MITD1: variants seen among roughly 807,000 people sequenced by gnomAD.
MITD1 encodes the protein MIT domain-containing protein 1.
In MITD1, 24 loss-of-function variants were observed where a neutral mutation model predicts 34.9. The ratio of observed to expected loss-of-function variants is 0.69; its 90% CI spans 0.50 to 0.97. MITD1 has a LOEUF of 0.97. MITD1 is among the 50% of genes least tolerant of loss of function. The pLI is 0.00. For synonymous variants in MITD1, 102 were observed against 101.4 expected (o/e 1.01, Z -0.04); for missense variants, 266 against 294.6 (o/e 0.90, Z 0.71).
rs1243605161 is a variant in MITD1, at chr2:99,171,482, T to C, written c.390+28A>G. 1.9e-6 allele frequency: 3 copies of C among 1,587,934 alleles called. No homozygotes were observed. In the South Asian group the frequency reaches 3.3e-5, roughly 18 times the overall value. On this transcript the variant is annotated intron_variant, in intron 3 of 6. Coordinates refer to ENST00000289359, the MANE Select transcript of MITD1 (RefSeq NM_138798.3). ...TAATTTAGTACATTGAATATGATAT[T>C]TCATTATATTTTAGTATGTTCACAT...
In MITD1 at chr2:99,169,394, T is replaced by C. The variant is rs762945901; in HGVS notation, c.731A>G (p.Lys244Arg). ...CACCCATCATATATTTTTTGTATGC[T>C]TCTTATGAAAAATGTCTACTGTTGT... is the stretch of plus-strand genomic sequence containing the variant. Reference protein sequence around the residue: ...HETTVDIFHKKHTKNI With the variant: ...HETTVDIFHKRHTKNI The change falls in exon 7 of 7, where the codon AAG (lysine) becomes AGG (arginine). Residue 244 changes from lysine to arginine, a missense_variant. Coordinates refer to ENST00000289359, the MANE Select transcript of MITD1 (RefSeq NM_138798.3). The C allele has an allele frequency of 6.3e-7, 1 of 1,592,042 alleles. No homozygotes were observed. The highest frequency in any genetic ancestry group is 8.6e-7 in the Non-Finnish European group (1 of 1,163,546).
intron 2 of MITD1, 68 bp from the exon 3 acceptor site, chr2:99,171,714 T>C (rs1473953691): frequency 1.4e-6 from 2 of 1,434,764 alleles, no homozygotes; most frequent in East Asian, 2.3e-5. Flanking sequence ...ATATTTTATA[T>C]AGAGTGATTA....
intron 6 of MITD1, 37 bp from the exon 7 acceptor site, chr2:99,169,507 A>G: frequency 6.2e-7 from 1 of 1,603,470 alleles, no homozygotes; most frequent in Non-Finnish European, 8.5e-7. Flanking sequence ...TAAAAATGAT[A>G]CAAAAACAGT....
At chr2:99,175,208 T>A (rs1275081949) in intron 1 of MITD1, among the ~76,000 whole-genome samples, 3 of 152,210 alleles carry the variant, frequency 2.0e-5, no homozygotes, top group Non-Finnish European at 2.9e-5. Context: ...TACTATGAAC[T>A]TATCTACAAA....
intron 1 of MITD1, among the ~76,000 whole-genome samples, chr2:99,174,600 GTTTGT>G (rs1020610376): frequency 2.0e-5 from 3 of 151,510 alleles, no homozygotes; most frequent in Non-Finnish European, 4.4e-5. Flanking sequence ...TTTTTTGTTT[GTTTGT>G]TTTGAGACGG....
rs74732769 is a variant in MITD1 at position 99,179,534 on chromosome 2, A to G, written c.151+1297T>C. ...TTGTCACTGTCATCATTATCATCAA[A>G]TAATGCCCCAGGCAAGGTAGAGTTT... On this transcript the variant is annotated intron_variant, in intron 1 of 6. Coordinates refer to ENST00000289359, the MANE Select transcript of MITD1 (RefSeq NM_138798.3). 9.6e-3 allele frequency among the ~76,000 whole-genome samples: 1,468 copies of G among 152,266 alleles called. 15 individuals are homozygous for G. Among genetic ancestry groups the G allele is most frequent in the African/African-American group, 0.034 (1,394 of 41,548 alleles).
At chr2:99,170,178 TA>T (rs2093847872) in intron 5 of MITD1, among the ~76,000 whole-genome samples, 1 of 152,130 alleles carries the variant, frequency 6.6e-6, no homozygotes, top group African/African-American at 2.4e-5. Context: ...CCCTAAGAAG[TA>T]AAGCCACATT....
At chr2:99,174,045 G>A in intron 1 of MITD1, 29 bp from the exon 2 acceptor site, 1 of 1,091,470 alleles carries the variant, frequency 9.2e-7, no homozygotes, top group Middle Eastern at 2.5e-4. Flanking sequence ...ATATTATCAA[G>A]TATCAAAATA....
intron 2 of MITD1, chr2:99,172,322 T>A (rs2093863202): frequency 6.6e-6 from 1 of 151,560 alleles, no homozygotes; most frequent in Non-Finnish European, 1.5e-5. Context: ...CAGGTGGATG[T>A]TGCAGTGAGC....
At chr2:99,173,837 A>G (rs2093871193) in intron 2 of MITD1, 78 bp downstream of exon 2, 1 of 903,338 alleles carries the variant, frequency 1.1e-6, no homozygotes, top group African/African-American at 1.7e-5. Context: ...AGAGCTCCAA[A>G]GGGCAGGAGC....
chr2:99,162,373 C>T, intron 7 of MITD1: 2 of 1,613,924 alleles, frequency 1.2e-6, no homozygotes, highest in Non-Finnish European at 1.7e-6. Context: ...GCTCTGAATG[C>T]TGTCCAACCC....
chr2:99,168,743 A>G (rs1306759119), downstream of MITD1, among the ~76,000 whole-genome samples: 1 of 151,964 alleles, frequency 6.6e-6, no homozygotes, highest in Non-Finnish European at 1.5e-5. Context: ...CAAAATTAAC[A>G]TTTTACTTTC....
chr2:99,173,577 T>A, intron 2 of MITD1: 1 of 466,874 alleles, frequency 2.1e-6, no homozygotes. Context: ...TTCCCTGTAG[T>A]ATTTCTTAAC....
chr2:99,165,696 G>A (rs894204929), downstream of MITD1, among the ~76,000 whole-genome samples: 1 of 152,146 alleles, frequency 6.6e-6, no homozygotes, highest in Admixed American at 6.6e-5. Flanking sequence ...GTAGGAGGTA[G>A]AGCCTACTTC....
chr2:99,171,885 G>A (rs1447909996), intron 2 of MITD1: 1 of 437,742 alleles, frequency 2.3e-6, no homozygotes, highest in Admixed American at 3.8e-5. Flanking sequence ...AGGCAAGGGG[G>A]AAAATCTAGA....
chr2:99,170,700 C>T (rs769464934), intron 4 of MITD1, 48 bp from the exon 5 acceptor site: 1 of 878,604 alleles, frequency 1.1e-6, no homozygotes. Context: ...TTATTACTAT[C>T]TTAAATTATC....
intron 7 of MITD1, among the ~76,000 whole-genome samples, chr2:99,163,662 A>G (rs1182771036): frequency 6.6e-6 from 1 of 152,026 alleles, no homozygotes; most frequent in Non-Finnish European, 1.5e-5. Context: ...ATGTATTTAT[A>G]TTTCAGCTGC....
At chr2:99,168,322 A>G (rs143420892), downstream of MITD1, among the ~76,000 whole-genome samples, 6 of 152,150 alleles carry the variant, frequency 3.9e-5, no homozygotes, top group East Asian at 1.2e-3. Context: ...TGTATTTTTA[A>G]TAAAGACGGG....
Position 99,170,599 on chromosome 2 carries a change from G to T in MITD1, c.531C>A (p.Leu177=). Residue 177 remains leucine, a synonymous_variant, in exon 5 of 7, where the codon CTC becomes CTA. Transcript: ENST00000289359. ...CTTCCAACAGCACTCCGTGACTCCT[G>T]AGTGACTCTTCTATTTCTTGCAGGC... ...SRGLQEIEES[L]RSHGVLLEVQ... 6.2e-7 allele frequency: 1 copy of T among 1,609,476 alleles called. No individual in the cohort carries two copies. The highest frequency in any genetic ancestry group is 8.5e-7 in the Non-Finnish European group (1 of 1,176,410).
Sources: allele counts gnomAD v4.1 joint callset (sites outside exome capture counted in the v4.1 genomes callset), GRCh38; gene constraint gnomAD v4.1.1; transcripts MANE v1.5; gene names NCBI Gene and HGNC (gene_info 2026-07-23, HGNC 2026-07-21).